LYST: variants seen among roughly 807,000 people sequenced by gnomAD.
The protein encoded by LYST is lysosomal trafficking regulator.
LYST carries 192 observed loss-of-function variants against 413.6 expected under a neutral mutation model. That is an observed-to-expected ratio of 0.46 (90% CI 0.41 to 0.52). The LOEUF (loss-of-function observed/expected upper bound fraction) is 0.52. Among genes scored for constraint, LYST ranks in the 20% least tolerant of loss-of-function variants. The pLI is 0.00. For synonymous variants in LYST, 1,525 were observed against 1,567.3 expected, an observed-to-expected ratio of 0.97 and a Z score of 0.64; for missense variants, 3,815 against 4,499.9, an observed-to-expected ratio of 0.85 and a Z score of 4.35.
In LYST at chr1:235,809,124, G is replaced by C; in HGVS notation, c.1694C>G (p.Ser565Cys). 6.2e-7 allele frequency: 1 copy of C among 1,614,116 alleles called. No homozygotes were observed. Among genetic ancestry groups the C allele is most frequent in the Non-Finnish European group, 8.5e-7 (1 of 1,179,990 alleles). ...HQCLRLLQQA[S>C]LSSTCVQILS... ...GATCTGGACACAAGTGCTGCTCAAG[G>C]AAGCCTGCTGTAGTAAGCGCAAGCA... The change falls in exon 5 of 53, where the codon TCC becomes TGC. Residue 565 changes from serine to cysteine, a missense_variant. Physicochemically the swap from Ser to Cys is moderately radical, Grantham distance 112. Coordinates refer to ENST00000389793, the MANE Select transcript of LYST (RefSeq NM_000081.4). The surrounding 1 kb of genome is among the most constrained non-coding windows in gnomAD (Gnocchi z 4.0).
At position 235,787,751 on chromosome 1, in the gene LYST, T is replaced by C. The variant is rs188070823; in HGVS notation, c.4689-378A>G. On this transcript the variant is annotated intron_variant, in intron 13 of 52. Coordinates refer to ENST00000389793, the MANE Select transcript of LYST (RefSeq NM_000081.4). The stretch of plus-strand genomic sequence containing the variant: ...AAATGTCTAAGTATTGGAGGTCTAA[T>C]CTACTTTGTGGGATTACTGAAAGAA... Among the ~76,000 whole-genome samples the C allele has an allele frequency of 1.2e-4, 19 of 152,310 alleles. No homozygotes were observed. In the East Asian group the frequency reaches 3.7e-3, roughly 29 times the overall value.
rs1202677227 is a variant in LYST at position 235,689,026 on chromosome 1, T to TAATAATAATAAC, written c.10702-1980_10702-1979insGTTATTATTATT. The stretch of plus-strand genomic sequence containing the variant: ...ATAATAATAATAATAATAATAATAA[T>TAATAATAATAAC]AACAACAACAACAACAACAACAATA... On this transcript the variant is annotated intron_variant, in intron 47 of 52. Transcript: ENST00000389793. 5.1e-3 allele frequency among the ~76,000 whole-genome samples: 471 copies of TAATAATAATAAC among 92,926 alleles called. 3 individuals are homozygous for TAATAATAATAAC. Among genetic ancestry groups the TAATAATAATAAC allele is most frequent in the Non-Finnish European group, 9.6e-3 (366 of 38,256 alleles). The allele number at this position is 92,926 out of a possible 152,430, so 61.0% of individuals were successfully genotyped here. A position where few individuals can be genotyped will look rare whatever the true frequency, so the allele number is the denominator to read the frequency against.
At chr1:235,872,785 G>A (rs756217947) in intron 1 of LYST, among the ~76,000 whole-genome samples, 145 of 151,896 alleles carry the variant, frequency 9.5e-4, no homozygotes, top group Admixed American at 2.0e-3. Context: ...GTGTGGTGGT[G>A]CATGCCTGTA....
At position 235,752,093 on chromosome 1, in the gene LYST, AC is replaced by A; in HGVS notation, c.7538del (p.Ser2513IlefsTer16). The A allele has an allele frequency of 6.2e-7, 1 of 1,610,928 alleles. No individual in the cohort carries two copies. Among genetic ancestry groups the A allele is most frequent in the East Asian group, 2.2e-5 (1 of 44,754 alleles). On this transcript the variant is annotated frameshift_variant, in exon 27 of 53. Coordinates refer to ENST00000389793, the MANE Select transcript of LYST (RefSeq NM_000081.4). LOFTEE classifies it high-confidence loss of function. ...LFIAVTIHAC[S>X]SSGSQYFRVI... The stretch of plus-strand genomic sequence containing the variant: ...CCCTAAAATATTGTGAGCCTGAGGA[AC>A]TGCAAGCATGAATTGTAACTGCTAT...
intron 27 of LYST, 36 bp from the exon 28 acceptor site, chr1:235,751,398 T>C (rs941361109): frequency 1.8e-5 from 29 of 1,580,546 alleles, no homozygotes; most frequent in Non-Finnish European, 2.3e-5. Context: ...TTTCAAGCTA[T>C]GTGGTTACTA....
chr1:235,751,508 A>G, intron 27 of LYST, 146 bp from the exon 28 acceptor site: 1 of 689,866 alleles, frequency 1.4e-6, no homozygotes, highest in Non-Finnish European at 2.4e-6. Context: ...AGACATTTTT[A>G]AATTCTTGTT....
upstream of LYST, among the ~76,000 whole-genome samples, chr1:235,868,027 C>T (rs1185052036): frequency 6.6e-6 from 1 of 152,204 alleles, no homozygotes; most frequent in Non-Finnish European, 1.5e-5. Context: ...AAGTTGCCCA[C>T]TGATGTGGTT....
In LYST at chr1:235,661,713, G is replaced by A. The variant is rs1174419950; in HGVS notation, c.*1227C>T. 3.9e-5 allele frequency: 6 copies of A among 152,530 alleles called. No homozygotes were observed. Among genetic ancestry groups the A allele is most frequent in the Non-Finnish European group, 8.8e-5 (6 of 68,010 alleles). 9.4% of individuals were successfully genotyped at this position (152,530 alleles called of 1,614,324 possible). A position where few individuals can be genotyped will look rare whatever the true frequency, so the allele number is the denominator to read the frequency against. On this transcript the variant is annotated 3_prime_UTR_variant, in exon 53 of 53. Transcript: ENST00000389793. ...AATGCACAAGTTATTCTTAGGCAGGGATACATATTTTTATCCCATGGTAAC... is the reference window on the plus strand; with the variant it reads ...AATGCACAAGTTATTCTTAGGCAGGAATACATATTTTTATCCCATGGTAAC...
intron 40 of LYST, among the ~76,000 whole-genome samples, chr1:235,718,865 CTGTGTTTCCT>C (rs1445185844): frequency 6.6e-6 from 1 of 152,184 alleles, no homozygotes; most frequent in Non-Finnish European, 1.5e-5. Context: ...TTTTGTTTCA[CTGTGTTTCCT>C]TGGCCTTTTA....
chr1:235,762,881 A>T, intron 21 of LYST, 30 bp from the exon 22 acceptor site: 1 of 1,592,052 alleles, frequency 6.3e-7, no homozygotes, highest in Non-Finnish European at 8.6e-7. Flanking sequence ...TGAAACAGCA[A>T]AATTTTTAAA....
chr1:235,746,407 G>C lies in LYST; in HGVS notation c.7901C>G (p.Ala2634Gly). 6 of 1,613,898 alleles carry C rather than the reference G, an allele frequency of 3.7e-6. No individual in the cohort carries two copies. The highest frequency in any genetic ancestry group is 5.1e-6 in the Non-Finnish European group (6 of 1,179,866). Residue 2634 changes from alanine to glycine, a missense_variant, in exon 29 of 53, where the codon GCA becomes GGA. Ala to Gly is a moderately conservative substitution (Grantham distance 60, BLOSUM62 0). Coordinates refer to ENST00000389793, the MANE Select transcript of LYST (RefSeq NM_000081.4). ...TCTCTGCGCAAGTTCCGTTTCAGTT[G>C]CTTGGCTAGGGTTCTCTTGGCTCAT... is the stretch of plus-strand genomic sequence containing the variant. ...RRMSQENPSQATETELAQRLQ... is the reference protein window; with the variant it reads ...RRMSQENPSQGTETELAQRLQ...
chr1:235,798,406 G>T (rs1441045160), intron 10 of LYST, among the ~76,000 whole-genome samples: 1 of 151,106 alleles, frequency 6.6e-6, no homozygotes, highest in Non-Finnish European at 1.5e-5. Flanking sequence ...TGTAATGGGG[G>T]AACTCTTTAT....
At chr1:235,699,854 T>C (rs1021469607) in intron 45 of LYST, among the ~76,000 whole-genome samples, 2 of 152,066 alleles carry the variant, frequency 1.3e-5, no homozygotes, top group African/African-American at 4.8e-5. Context: ...TTTCCAACAG[T>C]AACCAAAACA....
In LYST at chr1:235,802,992, A is replaced by T; in HGVS notation, c.3628T>A (p.Cys1210Ser). ...FSEEAEDSQC[C>S]SFKLLVEEEG... ...TCTTCAACTAAAAGTTTAAAACTAC[A>T]ACACTGAGAATCCTCAGCTTCTTCT... Residue 1210 changes from cysteine to serine, a missense_variant, in exon 8 of 53, where the codon TGT (cysteine) becomes AGT (serine). Cys to Ser is a moderately radical substitution (Grantham distance 112, BLOSUM62 -1). This residue lies in a region of LYST where 1,648 missense variants were observed against 1,810.3 expected (regional missense o/e 0.91). Transcript: ENST00000389793. 1 of 1,613,362 alleles carries T rather than the reference A, an allele frequency of 6.2e-7. No individual in the cohort carries two copies. The highest frequency in any genetic ancestry group is 1.1e-5 in the South Asian group (1 of 91,052).
rs1673350303 is a variant in LYST, at chr1:235,810,519, A to T, written c.299T>A (p.Leu100His). The T allele has an allele frequency of 6.2e-7, 1 of 1,611,706 alleles. No individual in the cohort carries two copies. Among genetic ancestry groups the T allele is most frequent in the South Asian group, 1.1e-5 (1 of 91,080 alleles). ...EEKATDFNLP[L>H]SADIILTKEK... ...TTTGGTCAGGATTATATCTGCTGAG[A>T]GCGGTAGGTTAAAATCTAATGGAAT... Residue 100 changes from leucine to histidine, a missense_variant, in exon 5 of 53, where the codon CTC (leucine) becomes CAC (histidine). Transcript: ENST00000389793.
At chr1:235,744,200 C>T in intron 29 of LYST, 43 bp from the exon 30 acceptor site, 1 of 1,032,866 alleles carries the variant, frequency 9.7e-7, no homozygotes, top group Non-Finnish European at 1.5e-6. Flanking sequence ...CATATCACTG[C>T]TATCTTGCCA....
At chr1:235,844,067 C>T (rs540176917) in intron 1 of LYST, among the ~76,000 whole-genome samples, 3 of 152,216 alleles carry the variant, frequency 2.0e-5, no homozygotes, top group Admixed American at 6.5e-5. Flanking sequence ...ATAATAAGTG[C>T]CCAATAAATT....
In LYST at chr1:235,759,423, A is replaced by G; in HGVS notation, c.6430T>C (p.Ser2144Pro). The G allele has an allele frequency of 1.2e-6, 2 of 1,613,946 alleles. No homozygotes were observed. Among genetic ancestry groups the G allele is most frequent in the Non-Finnish European group, 1.7e-6 (2 of 1,179,942 alleles). Reference sequence around the variant, plus strand: ...CTCCCCAAAGAATTTTGTTTCTTTGATTGGGTGGCAACATAAGTATCTGCA... The same window carrying G: ...CTCCCCAAAGAATTTTGTTTCTTTGGTTGGGTGGCAACATAAGTATCTGCA... Reference protein sequence around the residue: ...NIADTYVATQSKKQNSLGSSD... With the variant: ...NIADTYVATQPKKQNSLGSSD... Residue 2144 changes from serine (S) to proline (P), a missense_variant, in exon 23 of 53, where the codon TCA becomes CCA. By Grantham distance (74) the Ser-to-Pro change is moderately conservative. Around this residue, in one of 4 missense-constraint regions of LYST, gnomAD observed 530 missense variants for 696.5 expected, o/e 0.76. Coordinates refer to ENST00000389793, the MANE Select transcript of LYST (RefSeq NM_000081.4).
intron 31 of LYST, chr1:235,738,580 G>A (rs1665037578): frequency 6.2e-7 from 1 of 1,610,210 alleles, no homozygotes; most frequent in African/African-American, 1.3e-5. Context: ...GGGGAACATG[G>A]AGATTCTAGT....
Sources: allele counts gnomAD v4.1 joint callset (sites outside exome capture counted in the v4.1 genomes callset), GRCh38; gene constraint gnomAD v4.1.1; regional missense constraint gnomAD v4.1.1; non-coding constraint Gnocchi (gnomAD v3.1); transcripts MANE v1.5; gene names NCBI Gene and HGNC (gene_info 2026-07-23, HGNC 2026-07-21).